Variants in ABCC11 observed in about 807,000 individuals in gnomAD.
ABCC11 encodes ATP binding cassette subfamily C member 11.
In ABCC11, 135 loss-of-function variants were observed where a neutral mutation model predicts 149.3. That is an observed-to-expected ratio of 0.90 (90% confidence interval 0.79 to 1.04). The LOEUF (loss-of-function observed/expected upper bound fraction) is 1.04. ABCC11 is among the 50% of genes least tolerant of loss of function. The pLI is 0.00. For missense variants in ABCC11, 1,680 were observed against 1,722.1 expected (o/e 0.98, Z 0.43); for synonymous variants, 665 against 671.4 (o/e 0.99, Z 0.15).
At chr16:48,228,996 T>C (rs562070186) in intron 3 of ABCC11, among the ~76,000 whole-genome samples, 2 of 151,914 alleles carry the variant, frequency 1.3e-5, no homozygotes, top group East Asian at 3.9e-4. Flanking sequence ...GATGGGAAGA[T>C]GAAAATGCCG....
chr16:48,192,579 T>A lies in ABCC11; in HGVS notation c.2647A>T (p.Ile883Phe). Residue 883 changes from isoleucine (I) to phenylalanine (F), a missense_variant, in exon 20 of 30, where the codon ATT becomes TTT. Ile to Phe is a conservative substitution (Grantham distance 21, BLOSUM62 0). Coordinates refer to ENST00000356608, the MANE Select transcript of ABCC11 (RefSeq NM_001370497.1). ...LICVGVCSSG[I>F]FTKVTRKAST... is the part of the protein sequence containing the mutation. ...GCCTTCCTCGTGACCTTGGTGAAAA[T>A]CCCTGAGGAGCAGACCCCCACACAG... 4 of 1,614,150 alleles carry A rather than the reference T, an allele frequency of 2.5e-6. No homozygotes were observed. The highest frequency in any genetic ancestry group is 3.4e-6 in the Non-Finnish European group (4 of 1,180,028).
intron 27 of ABCC11, 82 bp from the exon 28 acceptor site, chr16:48,170,300 G>C (rs759330640): frequency 9.3e-7 from 1 of 1,079,448 alleles, no homozygotes; most frequent in Non-Finnish European, 1.4e-6. Context: ...ATCTTCCGCT[G>C]TATTGGCAAC....
At chr16:48,171,485 G>A (rs2150715637) in intron 26 of ABCC11, among the ~76,000 whole-genome samples, 1 of 152,280 alleles carries the variant, frequency 6.6e-6, no homozygotes, top group South Asian at 2.1e-4. Flanking sequence ...CTCAGCCTTG[G>A]CCTCCCCATT....
chr16:48,202,655 C>A (rs1390489245), intron 14 of ABCC11, among the ~76,000 whole-genome samples: 2 of 151,996 alleles, frequency 1.3e-5, no homozygotes, highest in Non-Finnish European at 2.9e-5. Flanking sequence ...AAGAGACTAC[C>A]CTCCTGAGGT....
At chr16:48,231,114 T>A (rs1970389712) in intron 2 of ABCC11, among the ~76,000 whole-genome samples, 1 of 152,008 alleles carries the variant, frequency 6.6e-6, no homozygotes, top group African/African-American at 2.4e-5. Flanking sequence ...GGTTGGGGAA[T>A]GACATGGGGG....
In ABCC11 at chr16:48,178,666, G is replaced by A; in HGVS notation, c.3279C>T (p.Ala1093=). 1.2e-6 allele frequency: 2 copies of A among 1,614,186 alleles called. No individual in the cohort carries two copies. The highest frequency in any genetic ancestry group is 2.2e-5 in the South Asian group (2 of 91,068). The change falls in exon 24 of 30, where the codon GCC becomes GCT. Residue 1093 remains alanine (A), a synonymous_variant. Coordinates refer to ENST00000356608, the MANE Select transcript of ABCC11 (RefSeq NM_001370497.1). The stretch of plus-strand genomic sequence containing the variant: ...CTGTCTCCAAGCCAATCCGGGCAGT[G>A]GCCTGGAAGCTGGACGCCAGCTAGA... ...IVLQLASSFQ[A]TARIGLETEA... is the part of the protein sequence containing the mutation.
intron 6 of ABCC11, 44 bp downstream of exon 6, chr16:48,222,554 G>A: frequency 6.5e-7 from 1 of 1,545,768 alleles, no homozygotes; most frequent in Non-Finnish European, 8.9e-7. Context: ...TCCGGAGGAA[G>A]GGTAGGGAAG....
At chr16:48,244,218 C>T (rs892108641) in intron 1 of ABCC11, 1 of 551,154 alleles carries the variant, frequency 1.8e-6, no homozygotes, top group Non-Finnish European at 3.2e-6. Context: ...CCGGGAGGCT[C>T]TCCTAGAGAG....
Position 48,224,437 on chromosome 16 carries a change from A to G in ABCC11, c.396-8T>C. The G allele has an allele frequency of 1.2e-6, 2 of 1,613,824 alleles. No homozygotes were observed. Among genetic ancestry groups the G allele is most frequent in the Non-Finnish European group, 1.7e-6 (2 of 1,179,862 alleles). ...TCCCAAAGGCGGTGAAGCCTTGAAA[A>G]GAGGATAATGGAACTGGTGGAATCT... is the stretch of plus-strand genomic sequence containing the variant. On this transcript the variant is annotated splice_polypyrimidine_tract_variant and splice_region_variant and intron_variant, in intron 4 of 29. Transcript: ENST00000356608.
At chr16:48,175,541 C>A (rs1966004621) in intron 25 of ABCC11, 124 bp from the exon 26 acceptor site, 2 of 1,185,054 alleles carry the variant, frequency 1.7e-6, no homozygotes, top group Non-Finnish European at 2.3e-6. Flanking sequence ...CACTGTGAGC[C>A]CTGAAGGGGT....
chr16:48,188,152 C>T (rs895148478), intron 20 of ABCC11, among the ~76,000 whole-genome samples: 1 of 152,234 alleles, frequency 6.6e-6, no homozygotes, highest in African/African-American at 2.4e-5. Flanking sequence ...AGCTGCAGCT[C>T]TCAGCACACT....
In ABCC11 at chr16:48,218,895, T is replaced by C. The variant is rs140884821; in HGVS notation, c.778-2608A>G. ...TATCAGCAGCGTGAAAATGGACTAA[T>C]ACAAATAAGGACGATCTATGTGTGC... is the stretch of plus-strand genomic sequence containing the variant. On this transcript the variant is annotated intron_variant, in intron 6 of 29. Coordinates refer to ENST00000356608, the MANE Select transcript of ABCC11 (RefSeq NM_001370497.1). Among the ~76,000 whole-genome samples, 30 of 152,208 alleles carry C rather than the reference T, an allele frequency of 2.0e-4. No individual in the cohort carries two copies. The East Asian group carries it at 5.8e-3, about 29-fold the overall frequency.
chr16:48,221,132 C>G (rs1969707690), intron 6 of ABCC11, among the ~76,000 whole-genome samples: 1 of 152,004 alleles, frequency 6.6e-6, no homozygotes, highest in Non-Finnish European at 1.5e-5. Context: ...TAAGCCCAGC[C>G]TAGGTGGCAG....
rs199774602 is a variant in ABCC11 at position 48,200,452 on chromosome 16, C to G, written c.1906G>C (p.Gly636Arg). Residue 636 changes from glycine (G) to arginine (R), a missense_variant, in exon 15 of 30, where the codon GGG (glycine) becomes CGG (arginine). By Grantham distance (125) the Gly-to-Arg change is moderately radical. Coordinates refer to ENST00000356608, the MANE Select transcript of ABCC11 (RefSeq NM_001370497.1). ...EIGERGLNLSGGQKQRISLAR... is the reference protein window; with the variant it reads ...EIGERGLNLSRGQKQRISLAR... ...AGGCTGATCCTCTGTTTCTGCCCCC[C>G]AGAGAGGTTGAGGCCCCGCTCTCCA... The G allele has an allele frequency of 8.7e-6, 14 of 1,614,182 alleles. No individual in the cohort carries two copies. The highest frequency in any genetic ancestry group is 1.1e-5 in the Non-Finnish European group (13 of 1,180,034).
At chr16:48,198,344 G>T in intron 15 of ABCC11, 69 bp from the exon 16 acceptor site, 1 of 1,483,954 alleles carries the variant, frequency 6.7e-7, no homozygotes, top group Non-Finnish European at 9.3e-7. Context: ...CTATTCACCA[G>T]GAAAATGTAA....
intron 1 of ABCC11, chr16:48,244,338 A>G: frequency 7.4e-7 from 1 of 1,347,012 alleles, no homozygotes; most frequent in South Asian, 1.4e-5. Flanking sequence ...GGCCGGGGGC[A>G]GCTGTCTGTC....
At chr16:48,227,423 G>A (rs979713073) in intron 4 of ABCC11, among the ~76,000 whole-genome samples, 4 of 148,864 alleles carry the variant, frequency 2.7e-5, no homozygotes, top group Admixed American at 2.0e-4. Flanking sequence ...GCAGTCAGCC[G>A]AGATTGCACC....
chr16:48,244,209 C>G (rs989400703), intron 1 of ABCC11: 6 of 517,930 alleles, frequency 1.2e-5, no homozygotes, highest in Non-Finnish European at 1.7e-5. Flanking sequence ...CAAGTCTTAC[C>G]GGGAGGCTCT....
chr16:48,230,633 A>G, intron 2 of ABCC11, 60 bp from the exon 3 acceptor site: 1 of 1,424,432 alleles, frequency 7.0e-7, no homozygotes, highest in Non-Finnish European at 9.3e-7. Context: ...GTCCTGAGGG[A>G]ATGTTGGACC....
Sources: allele counts gnomAD v4.1 joint callset (sites outside exome capture counted in the v4.1 genomes callset), GRCh38; gene constraint gnomAD v4.1.1; transcripts MANE v1.5; gene names NCBI Gene and HGNC (gene_info 2026-07-23, HGNC 2026-07-21).